Variants in SPATA7 observed in about 807,000 individuals in gnomAD.
SPATA7 encodes the protein spermatogenesis associated 7, also known as spermatogenesis-associated protein 7.
A neutral mutation model predicts 51.8 loss-of-function variants in SPATA7; 43 were observed. That is an observed-to-expected ratio of 0.83 (90% CI 0.65 to 1.07). SPATA7 has a LOEUF of 1.07. Ranked by LOEUF, SPATA7 falls within the 50% of genes least tolerant of loss-of-function variation. The pLI, the probability that SPATA7 is intolerant of heterozygous loss-of-function variation, is 0.00. For synonymous variants in SPATA7, 230 were observed against 252.8 expected (o/e 0.91, Z 0.86); for missense variants, 683 against 701.3 (o/e 0.97, Z 0.30).
chr14:88,423,376 A>G (rs1348888189), intron 5 of SPATA7, among the ~76,000 whole-genome samples: 1 of 145,654 alleles, frequency 6.9e-6, no homozygotes. Flanking sequence ...CATCTCTACA[A>G]AAAAAAAAAA....
intron 4 of SPATA7, among the ~76,000 whole-genome samples, chr14:88,399,067 GA>G (rs1024756314): frequency 4.1e-5 from 6 of 147,908 alleles, no homozygotes; most frequent in African/African-American, 7.5e-5. Flanking sequence ...AAAAAAAAAA[GA>G]AAAAAAAGTA....
rs939561579 is a variant in SPATA7 at position 88,443,549 on chromosome 14, G to A, written c.177+5646G>A. Among the ~76,000 whole-genome samples the A allele has an allele frequency of 7.1e-4, 108 of 152,076 alleles. 2 individuals carry two copies. The highest frequency in any genetic ancestry group is 1.9e-4 in the Non-Finnish European group (13 of 68,030). On this transcript the variant is annotated intron_variant, in intron 3 of 3. Coordinates refer to the SPATA7 transcript ENST00000554802. The stretch of plus-strand genomic sequence containing the variant: ...CACAATGTGCAGGTTAGTTACATAT[G>A]TATACATGTGCCATGCTGGTGCGCT...
intron 4 of SPATA7, among the ~76,000 whole-genome samples, chr14:88,464,736 G>GA (rs778916172): frequency 3.4e-4 from 51 of 148,656 alleles, no homozygotes; most frequent in Non-Finnish European, 4.6e-4. Flanking sequence ...TCTCAAAAAA[G>GA]AAAAAAAAAG....
intron 4 of SPATA7, among the ~76,000 whole-genome samples, chr14:88,397,481 A>G (rs1055623017): frequency 6.6e-6 from 1 of 151,994 alleles, no homozygotes; most frequent in African/African-American, 2.4e-5. Context: ...TGTCTCTTCA[A>G]AAAATACAAA....
downstream of SPATA7, among the ~76,000 whole-genome samples, chr14:88,456,233 A>G (rs1273527645): frequency 6.6e-6 from 1 of 152,202 alleles, no homozygotes; most frequent in Non-Finnish European, 1.5e-5. Context: ...CTTTGGGTAT[A>G]TACCCAGTAA....
chr14:88,417,767 C>CA, intron 5 of SPATA7, among the ~76,000 whole-genome samples: 1 of 152,244 alleles, frequency 6.6e-6, no homozygotes, highest in Non-Finnish European at 1.5e-5. Flanking sequence ...GGCATCTGTC[C>CA]ATTATTGATA....
intron 5 of SPATA7, among the ~76,000 whole-genome samples, chr14:88,424,057 C>T (rs2076723246): frequency 6.6e-6 from 1 of 152,076 alleles, no homozygotes; most frequent in Non-Finnish European, 1.5e-5. Flanking sequence ...CACAACAAAC[C>T]TCGTAAACTA....
chr14:88,431,143 G>T (rs772844634), intron 8 of SPATA7, 29 bp from the exon 9 acceptor site: 1 of 1,607,220 alleles, frequency 6.2e-7, no homozygotes, highest in South Asian at 1.1e-5. Flanking sequence ...CCACTGTTTT[G>T]CTCAACTACT....
At position 88,438,015 on chromosome 14, in the gene SPATA7, CA is replaced by C. The variant is rs386834243; in HGVS notation, c.1395del (p.Gln465HisfsTer41). ...ESEVTIQQER[Q>X]QYQKALDMLL... ...TGAAGTAACAATTCAGCAGGAACGT[CA>C]ACAATACCAAAAGGCTTTGGATATG... On this transcript the variant is annotated frameshift_variant, in exon 12 of 12. Transcript: ENST00000393545. LOFTEE classifies it low-confidence loss of function (END_TRUNC). The C allele has an allele frequency of 1.9e-6, 3 of 1,613,894 alleles. No homozygotes were observed. Among genetic ancestry groups the C allele is most frequent in the Non-Finnish European group, 2.5e-6 (3 of 1,179,990 alleles).
intron 4 of SPATA7, chr14:88,467,290 A>T (rs774777320): frequency 2.6e-5 from 4 of 152,228 alleles, no homozygotes; most frequent in Non-Finnish European, 5.9e-5. Flanking sequence ...AAAAGTGCTT[A>T]AAACCACCCT....
chr14:88,467,557 CAG>C (rs2077383892), intron 4 of SPATA7: 1 of 152,174 alleles, frequency 6.6e-6, no homozygotes, highest in Admixed American at 6.5e-5. Context: ...CAAAATAACA[CAG>C]ATTCTCAGTA....
At chr14:88,411,370 G>A (rs1024498895) in intron 4 of SPATA7, among the ~76,000 whole-genome samples, 1 of 152,164 alleles carries the variant, frequency 6.6e-6, no homozygotes, top group African/African-American at 2.4e-5. Flanking sequence ...CCTTTCCAGG[G>A]GAGTGAATGG....
chr14:88,395,420 A>C (rs2075854863), intron 3 of SPATA7, among the ~76,000 whole-genome samples: 2 of 151,972 alleles, frequency 1.3e-5, no homozygotes, highest in Non-Finnish European at 2.9e-5. Context: ...GAAGTCGTTT[A>C]GTTTTTTAGT....
intron 4 of SPATA7, 120 bp downstream of exon 4, chr14:88,396,323 T>C: frequency 1.4e-6 from 1 of 714,054 alleles, no homozygotes; most frequent in Non-Finnish European, 2.5e-6. Context: ...TACATTAATA[T>C]TGTGGTACAA....
chr14:88,468,257 G>C (rs977307526), intron 4 of SPATA7: 4 of 1,600,102 alleles, frequency 2.5e-6, no homozygotes, highest in African/African-American at 1.3e-5. Flanking sequence ...CTCTCGGGAT[G>C]TCCAGCACCT....
At chr14:88,397,767 C>T (rs760311807) in intron 4 of SPATA7, among the ~76,000 whole-genome samples, 3 of 151,978 alleles carry the variant, frequency 2.0e-5, no homozygotes, top group Non-Finnish European at 2.9e-5. Context: ...AATTTGAAAA[C>T]CCTGTTTAAA....
At chr14:88,396,280 TA>T in intron 4 of SPATA7, 77 bp downstream of exon 4, 1 of 1,038,064 alleles carries the variant, frequency 9.6e-7, no homozygotes, top group Non-Finnish European at 1.5e-6. Flanking sequence ...TTTACTGTCT[TA>T]ACCATTTTTA....
rs1477146736 is a variant in SPATA7 at position 88,393,505 on chromosome 14, G to A, written c.190+17G>A. On this transcript the variant is annotated intron_variant, in intron 3 of 11. Coordinates refer to ENST00000393545, the MANE Select transcript of SPATA7 (RefSeq NM_018418.5). Reference sequence around the variant, plus strand: ...CAGCCAAAGGTAAAAATGTGCAAATGTGAACTCTCTGTACTCAATTTAAAC... The same window carrying A: ...CAGCCAAAGGTAAAAATGTGCAAATATGAACTCTCTGTACTCAATTTAAAC... 2 of 1,552,930 alleles carry A rather than the reference G, an allele frequency of 1.3e-6. No homozygotes were observed. Among genetic ancestry groups the A allele is most frequent in the South Asian group, 1.2e-5 (1 of 86,538 alleles).
downstream of SPATA7, among the ~76,000 whole-genome samples, chr14:88,456,750 T>C (rs1358768878): frequency 6.6e-6 from 1 of 152,200 alleles, no homozygotes; most frequent in Non-Finnish European, 1.5e-5. Flanking sequence ...TTGTCAATTT[T>C]GGCTTTTGTT....
Sources: gnomAD v4.1 joint callset for allele counts (sites outside exome capture counted in the v4.1 genomes callset) on GRCh38, gnomAD v4.1.1 for gene constraint, MANE v1.5 for transcripts, NCBI Gene and HGNC (gene_info 2026-07-23, HGNC 2026-07-21) for gene names.